IMPG1: variants seen among roughly 807,000 people sequenced by gnomAD.
IMPG1 encodes interphotoreceptor matrix proteoglycan 1, also known as interphotoreceptor matrix proteoglycan of 150 kDa.
In IMPG1, 85 loss-of-function variants were observed where a neutral mutation model predicts 92.0. That is an observed-to-expected ratio of 0.92 (90% CI 0.78 to 1.11). The LOEUF (loss-of-function observed/expected upper bound fraction) is 1.11. IMPG1 is among the 50% of genes least tolerant of loss of function. The pLI, the probability that IMPG1 is intolerant of heterozygous loss-of-function variation, is 0.00. For synonymous variants in IMPG1, 367 were observed against 334.1 expected, an observed-to-expected ratio of 1.10 and a Z score of -1.08; for missense variants, 1,022 against 956.0, an observed-to-expected ratio of 1.07 and a Z score of -0.91.
intron 1 of IMPG1, among the ~76,000 whole-genome samples, chr6:76,053,327 G>T (rs1338318519): frequency 6.6e-6 from 1 of 152,152 alleles, no homozygotes; most frequent in African/African-American, 2.4e-5. Context: ...AAACCAAGGG[G>T]TTATGCCAGA....
Position 76,034,576 on chromosome 6 carries a change from C to A in IMPG1, c.468+45G>T, listed in dbSNP as rs113026919. 5.4e-4 allele frequency: 869 copies of A among 1,595,404 alleles called. 2 individuals are homozygous for A. The African/African-American group carries it at 0.01, about 19-fold the overall frequency. On this transcript the variant is annotated intron_variant, in intron 3 of 16. Coordinates refer to ENST00000369950, the MANE Select transcript of IMPG1 (RefSeq NM_001563.4). Reference sequence around the variant, plus strand: ...AGGCCTAGGGGCTGGAGCCTGGGAACTGTTCGTGCAGTGTTCCAAATAACC... The same window carrying A: ...AGGCCTAGGGGCTGGAGCCTGGGAAATGTTCGTGCAGTGTTCCAAATAACC...
At chr6:76,003,269 C>A (rs182414904) in intron 11 of IMPG1, among the ~76,000 whole-genome samples, 17 of 152,198 alleles carry the variant, frequency 1.1e-4, no homozygotes, top group Admixed American at 9.8e-4. Flanking sequence ...TGATTTATGT[C>A]AATCATGTTA....
chr6:75,951,363 C>G (rs1477464700), intron 12 of IMPG1, among the ~76,000 whole-genome samples: 1 of 151,968 alleles, frequency 6.6e-6, no homozygotes, highest in African/African-American at 2.4e-5. Context: ...TAAAAGAGCA[C>G]CAGTTAACTA....
At chr6:76,012,588 GA>G (rs994753853) in intron 7 of IMPG1, among the ~76,000 whole-genome samples, 1 of 152,230 alleles carries the variant, frequency 6.6e-6, no homozygotes, top group Non-Finnish European at 1.5e-5. Context: ...AAGAGAGACT[GA>G]GGAAGGGATA....
At chr6:76,027,941 G>A (rs1244677154) in intron 4 of IMPG1, among the ~76,000 whole-genome samples, 1 of 152,140 alleles carries the variant, frequency 6.6e-6, no homozygotes, top group Non-Finnish European at 1.5e-5. Flanking sequence ...CTGACACCTG[G>A]CTTTTTGGAT....
chr6:75,929,121 A>G (rs1446372239), intron 15 of IMPG1, among the ~76,000 whole-genome samples: 1 of 152,198 alleles, frequency 6.6e-6, no homozygotes, highest in East Asian at 1.9e-4. Context: ...TGTAGAAATA[A>G]TTGTCTAAAA....
chr6:76,040,229 A>T (rs897702455), intron 2 of IMPG1, among the ~76,000 whole-genome samples: 3 of 152,348 alleles, frequency 2.0e-5, no homozygotes, highest in African/African-American at 7.2e-5. Flanking sequence ...AGGCAACCTA[A>T]TCAAGAATAA....
At chr6:75,998,172 T>G (rs968411561) in intron 12 of IMPG1, among the ~76,000 whole-genome samples, 1 of 152,200 alleles carries the variant, frequency 6.6e-6, no homozygotes, top group African/African-American at 2.4e-5. Flanking sequence ...GCTCTAAGCT[T>G]TTTACTAGAC....
intron 1 of IMPG1, among the ~76,000 whole-genome samples, chr6:76,059,545 T>G (rs1784170905): frequency 6.6e-6 from 1 of 152,120 alleles, no homozygotes; most frequent in Admixed American, 6.6e-5. Flanking sequence ...CATCTGGTAG[T>G]GTTAGCAGAG....
At chr6:76,043,527 A>G (rs1562381594) in intron 1 of IMPG1, among the ~76,000 whole-genome samples, 1 of 152,156 alleles carries the variant, frequency 6.6e-6, no homozygotes, top group African/African-American at 2.4e-5. Flanking sequence ...AATCTCCAGG[A>G]AGGGAGGAAA....
chr6:75,958,211 T>C (rs530033093), intron 12 of IMPG1, among the ~76,000 whole-genome samples: 1 of 152,358 alleles, frequency 6.6e-6, no homozygotes, highest in South Asian at 2.1e-4. Flanking sequence ...TGTTGAATAT[T>C]GGTCCCCACT....
intron 12 of IMPG1, among the ~76,000 whole-genome samples, chr6:75,953,426 C>G (rs188356705): frequency 7.0e-4 from 106 of 151,946 alleles, no homozygotes; most frequent in Middle Eastern, 3.4e-3. Context: ...TATCCCTCCC[C>G]TACTGTGCGA....
At chr6:75,947,083 A>T (rs545936097) in intron 14 of IMPG1, among the ~76,000 whole-genome samples, 28 of 152,334 alleles carry the variant, frequency 1.8e-4, no homozygotes, top group African/African-American at 6.7e-4. Flanking sequence ...AGATTGTGCA[A>T]CAAGAGGTGT....
intron 7 of IMPG1, among the ~76,000 whole-genome samples, chr6:76,013,980 G>T (rs2765806): frequency 0.99 from 150,488 of 152,318 alleles, 74,359 homozygotes; most frequent in East Asian, 1. Context: ...CTGAACATAA[G>T]AGGAATCACA....
rs964868345 is a variant in IMPG1 at position 75,921,384 on chromosome 6, A to G, written c.*705T>C. ...ATAGTACAACTTCGCCCTTCTCCCA[A>G]CATAGCATCTTCTTTAAAATAGCTT... On this transcript the variant is annotated 3_prime_UTR_variant, in exon 17 of 17. Coordinates refer to ENST00000369950, the MANE Select transcript of IMPG1 (RefSeq NM_001563.4). 9 of 152,240 alleles carry G rather than the reference A, an allele frequency of 5.9e-5. No individual in the cohort carries two copies. Among genetic ancestry groups the G allele is most frequent in the East Asian group, 5.8e-4 (3 of 5,198 alleles). The allele number at this position is 152,240 out of a possible 1,614,324, so 9.4% of individuals were successfully genotyped here. A position where few individuals can be genotyped will look rare whatever the true frequency, so the allele number is the denominator to read the frequency against.
At chr6:76,034,577 T>C (rs780842106) in intron 3 of IMPG1, 44 bp downstream of exon 3, 2 of 1,597,842 alleles carry the variant, frequency 1.3e-6, no homozygotes, top group South Asian at 1.1e-5. Flanking sequence ...GCCTGGGAAC[T>C]GTTCGTGCAG....
chr6:76,038,911 C>G (rs747566653), intron 2 of IMPG1, among the ~76,000 whole-genome samples: 1 of 152,192 alleles, frequency 6.6e-6, no homozygotes, highest in African/African-American at 2.4e-5. Flanking sequence ...GACAGTTATT[C>G]GCAATTAGTA....
intron 12 of IMPG1, among the ~76,000 whole-genome samples, chr6:75,962,667 A>G (rs1782229106): frequency 6.6e-6 from 1 of 152,188 alleles, no homozygotes; most frequent in Non-Finnish European, 1.5e-5. Flanking sequence ...CTGTCCAGAG[A>G]GAAAGAGGTG....
intron 12 of IMPG1, among the ~76,000 whole-genome samples, chr6:75,974,387 CTTTCTTTTCT>C (rs1562354759): frequency 2.1e-4 from 13 of 60,906 alleles, no homozygotes; most frequent in African/African-American, 5.8e-4. Flanking sequence ...TTCTTTCTTT[CTTTCTTTTCT>C]TTCTTTCCTT....
Sources: gnomAD v4.1 joint callset for allele counts (sites outside exome capture counted in the v4.1 genomes callset) on GRCh38, gnomAD v4.1.1 for gene constraint, MANE v1.5 for transcripts, NCBI Gene and HGNC (gene_info 2026-07-23, HGNC 2026-07-21) for gene names.